The following UFM1 variants were observed in gnomAD, a reference collection of about 807,000 sequenced individuals.
UFM1 encodes ubiquitin fold modifier 1.
UFM1 carries 9 observed loss-of-function variants against 15.4 expected under a neutral mutation model. The observed-to-expected ratio is 0.59, with a 90% CI of 0.35 to 1.02. The LOEUF (loss-of-function observed/expected upper bound fraction) is 1.02, where lower values mean the gene tolerates loss of function less well. UFM1 is among the 50% of genes least tolerant of loss of function. The pLI, the probability that UFM1 is intolerant of heterozygous loss-of-function variation, is 0.02. For synonymous variants in UFM1, 27 were observed against 36.3 expected, an observed-to-expected ratio of 0.74 and a Z score of 0.92; for missense variants, 98 against 104.7, an observed-to-expected ratio of 0.94 and a Z score of 0.28.
Position 38,349,858 on chromosome 13 carries a change from T to G in UFM1, c.-62T>G. ...TGGAGCGGGGCGGTCCCCAGCACAC[T>G]AGAGGAAGTCGTGCTACCCCCGCGG... On this transcript the variant is annotated 5_prime_UTR_variant, in exon 1 of 6. Transcript: ENST00000239878. 1 of 1,613,668 alleles carries G rather than the reference T, an allele frequency of 6.2e-7. No homozygotes were observed. Among genetic ancestry groups the G allele is most frequent in the Non-Finnish European group, 8.5e-7 (1 of 1,179,634 alleles).
At chr13:38,355,378 G>A (rs73176730) in intron 3 of UFM1, among the ~76,000 whole-genome samples, 3 of 152,108 alleles carry the variant, frequency 2.0e-5, no homozygotes, top group East Asian at 3.9e-4. Flanking sequence ...ACAAATCTGA[G>A]TATAGCATTG....
chr13:38,354,320 C>A, intron 3 of UFM1, 24 bp downstream of exon 3: 1 of 1,597,220 alleles, frequency 6.3e-7, no homozygotes, highest in Non-Finnish European at 8.6e-7. Flanking sequence ...TTGGAACAAC[C>A]TTTATGGAAT....
intron 2 of UFM1, among the ~76,000 whole-genome samples, chr13:38,353,526 A>G (rs1361008620): frequency 6.6e-6 from 1 of 151,866 alleles, no homozygotes; most frequent in Non-Finnish European, 1.5e-5. Flanking sequence ...TGACCCTGGG[A>G]CTAAGTCATT....
At position 38,349,855 on chromosome 13, in the gene UFM1, C is replaced by A. The variant is rs113889736; in HGVS notation, c.-65C>A. 341 of 1,613,826 alleles carry A rather than the reference C, an allele frequency of 2.1e-4. No individual in the cohort carries two copies. The African/African-American group carries it at 3.9e-3, about 19-fold the overall frequency. On this transcript the variant is annotated 5_prime_UTR_variant, in exon 1 of 6. Transcript: ENST00000239878. ...GAGTGGAGCGGGGCGGTCCCCAGCA[C>A]ACTAGAGGAAGTCGTGCTACCCCCG...
Position 38,362,247 on chromosome 13 carries a change from C to T in UFM1, c.*1469C>T, listed in dbSNP as rs1017120782. On this transcript the variant is annotated 3_prime_UTR_variant, in exon 6 of 6. Transcript: ENST00000239878. ...TTATTATCTTAGCATGTTTCAGTAT[C>T]TTCTCTATCATAGGCCCTAAGTTCA... The T allele has an allele frequency of 3.9e-5, 6 of 152,006 alleles. No individual in the cohort carries two copies. Among genetic ancestry groups the T allele is most frequent in the Non-Finnish European group, 7.4e-5 (5 of 67,990 alleles). 9.4% of individuals were successfully genotyped at this position (152,006 alleles called of 1,614,324 possible). A position where few individuals can be genotyped will look rare whatever the true frequency, so the allele number is the denominator to read the frequency against.
chr13:38,356,482 A>AC (rs1879100614), intron 3 of UFM1, among the ~76,000 whole-genome samples: 1 of 151,892 alleles, frequency 6.6e-6, no homozygotes, highest in Admixed American at 6.6e-5. Context: ...ACAAGAGTGT[A>AC]CCACATTGAG....
rs1246672462 is a variant in UFM1 at position 38,362,934 on chromosome 13, G to T, written c.*2156G>T. ...TTTGTGCAGAATGATTTGAAGTATT[G>T]TATTCAGTTTACATGCGTTATTGGT... On this transcript the variant is annotated 3_prime_UTR_variant, in exon 6 of 6. Coordinates refer to ENST00000239878, the MANE Select transcript of UFM1 (RefSeq NM_016617.4). 2 of 152,094 alleles carry T rather than the reference G, an allele frequency of 1.3e-5. No homozygotes were observed. The highest frequency in any genetic ancestry group is 2.9e-5 in the Non-Finnish European group (2 of 67,996). 9.4% of individuals were successfully genotyped at this position (152,094 alleles called of 1,614,324 possible).
At chr13:38,350,297 A>T (rs887412547) in intron 2 of UFM1, 265 of 1,459,566 alleles carry the variant, frequency 1.8e-4, no homozygotes, top group Non-Finnish European at 2.3e-4. Flanking sequence ...TGTGTTTCTG[A>T]TTAGTGACCT....
intron 2 of UFM1, among the ~76,000 whole-genome samples, chr13:38,353,796 T>G (rs1878967539): frequency 6.6e-6 from 1 of 152,106 alleles, no homozygotes. Context: ...GATCCAGTGA[T>G]GCTTCCCAAG....
chr13:38,350,768 G>T (rs1878810339), intron 2 of UFM1, among the ~76,000 whole-genome samples: 1 of 152,186 alleles, frequency 6.6e-6, no homozygotes, highest in African/African-American at 2.4e-5. Context: ...GATTACAATA[G>T]AATTTTTTGC....
chr13:38,352,034 A>G (rs1878879161), intron 2 of UFM1, among the ~76,000 whole-genome samples: 1 of 150,906 alleles, frequency 6.6e-6, no homozygotes, highest in Non-Finnish European at 1.5e-5. Flanking sequence ...ATGCAGTCTC[A>G]TGATCACAAC....
At chr13:38,350,751 AG>A (rs1878809154) in intron 2 of UFM1, among the ~76,000 whole-genome samples, 1 of 152,212 alleles carries the variant, frequency 6.6e-6, no homozygotes, top group Non-Finnish European at 1.5e-5. Flanking sequence ...AATGTAGCAA[AG>A]AACAGGATTA....
chr13:38,359,252 C>T (rs373985226), intron 4 of UFM1, 49 bp from the exon 5 acceptor site: 6 of 1,578,986 alleles, frequency 3.8e-6, no homozygotes, highest in African/African-American at 1.4e-5. Context: ...ACTATTTAAC[C>T]ATTTTAGCTT....
At chr13:38,357,805 G>T (rs1218177356) in intron 3 of UFM1, among the ~76,000 whole-genome samples, 1 of 151,840 alleles carries the variant, frequency 6.6e-6, no homozygotes, top group Non-Finnish European at 1.5e-5. Context: ...AGTGGAAGTG[G>T]ACCATGGGAA....
chr13:38,354,182 G>C, intron 2 of UFM1, 57 bp from the exon 3 acceptor site: 1 of 1,555,590 alleles, frequency 6.4e-7, no homozygotes, highest in Non-Finnish European at 8.8e-7. Flanking sequence ...AGGAACAAAG[G>C]GGCTTTTTTA....
intron 2 of UFM1, among the ~76,000 whole-genome samples, chr13:38,351,719 AAAAT>A (rs1408463626): frequency 4.6e-5 from 7 of 152,206 alleles, no homozygotes; most frequent in African/African-American, 7.2e-5. Flanking sequence ...AGGAAGGAAG[AAAAT>A]GATAGAGTAG....
At chr13:38,352,968 T>G (rs1343162446) in intron 2 of UFM1, among the ~76,000 whole-genome samples, 2 of 152,222 alleles carry the variant, frequency 1.3e-5, no homozygotes, top group Non-Finnish European at 2.9e-5. Flanking sequence ...GTTGCCTAGT[T>G]TGTAAACTAT....
chr13:38,360,098 T>C (rs554458669), intron 5 of UFM1: 15 of 382,418 alleles, frequency 3.9e-5, no homozygotes, highest in Non-Finnish European at 7.8e-5. Context: ...TTGCAAATTT[T>C]TGTTACTTCA....
At chr13:38,356,701 C>CAAAAA (rs35105286) in intron 3 of UFM1, among the ~76,000 whole-genome samples, 1 of 107,926 alleles carries the variant, frequency 9.3e-6, no homozygotes, top group African/African-American at 3.8e-5. Context: ...TTAGTACCAC[C>CAAAAA]AAAAAAAAAA....
Sources: gnomAD v4.1 joint callset for allele counts (sites outside exome capture counted in the v4.1 genomes callset) on GRCh38, gnomAD v4.1.1 for gene constraint, MANE v1.5 for transcripts, NCBI Gene and HGNC (gene_info 2026-07-23, HGNC 2026-07-21) for gene names.